Variants in SNRNP48 observed in about 807,000 individuals in gnomAD.
The protein encoded by SNRNP48 is small nuclear ribonucleoprotein U11/U12 subunit 48.
SNRNP48 carries 43 observed loss-of-function variants against 47.0 expected under a neutral mutation model. The observed-to-expected ratio is 0.92, with a 90% CI of 0.72 to 1.18. The LOEUF (loss-of-function observed/expected upper bound fraction) is 1.18, where lower values mean the gene tolerates loss of function less well. Ranked by LOEUF, SNRNP48 falls within the 50% of genes most tolerant of loss-of-function variation. SNRNP48 has a pLI of 0.00. For missense variants in SNRNP48, 396 were observed against 422.2 expected (o/e 0.94, Z 0.54); for synonymous variants, 138 against 144.0 (o/e 0.96, Z 0.30).
At chr6:7,592,401 T>C (rs1425784802) in intron 1 of SNRNP48, among the ~76,000 whole-genome samples, 1 of 149,618 alleles carries the variant, frequency 6.7e-6, no homozygotes, top group African/African-American at 2.5e-5. Context: ...ATGAAGGCAG[T>C]GGGGAGGTAT....
Position 7,601,352 on chromosome 6 carries a change from G to T in SNRNP48, c.423G>T (p.Leu141Phe), listed in dbSNP as rs1760015682. 6.4e-7 allele frequency: 1 copy of T among 1,572,202 alleles called. No homozygotes were observed. Residue 141 changes from leucine to phenylalanine, a missense_variant, in exon 5 of 9, where the codon TTG (leucine) becomes TTT (phenylalanine). Coordinates refer to ENST00000342415, the MANE Select transcript of SNRNP48 (RefSeq NM_152551.4). ...TTACTTTAGGAATTTATTCTTCATT[G>T]CCTGTTGAAGTTCCTTTGAATCACA... ...DCYNQRIYSSLPVEVPLNHKR... is the reference protein window; with the variant it reads ...DCYNQRIYSSFPVEVPLNHKR...
intron 1 of SNRNP48, among the ~76,000 whole-genome samples, chr6:7,591,176 T>C (rs1025760779): frequency 2.0e-5 from 3 of 152,224 alleles, no homozygotes; most frequent in African/African-American, 7.2e-5. Flanking sequence ...AGTTCGCCTT[T>C]CTGTGCCTTA....
At chr6:7,599,758 C>G (rs767850121) in intron 4 of SNRNP48, 1 of 1,271,720 alleles carries the variant, frequency 7.9e-7, no homozygotes, top group Non-Finnish European at 1.0e-6. Context: ...CAAATGATAT[C>G]CTTTTAAAAG....
At chr6:7,599,847 TTAAG>T in intron 4 of SNRNP48, 1 of 1,138,252 alleles carries the variant, frequency 8.8e-7, no homozygotes, top group East Asian at 6.1e-5. Flanking sequence ...TACAAGGAAT[TTAAG>T]TATCAGTCTT....
chr6:7,596,040 G>T (rs1759899065), intron 4 of SNRNP48, among the ~76,000 whole-genome samples: 1 of 152,190 alleles, frequency 6.6e-6, no homozygotes, highest in Non-Finnish European at 1.5e-5. Flanking sequence ...GAGGCAGGTG[G>T]ATCATCTGAG....
chr6:7,600,050 T>G (rs1425706157), intron 4 of SNRNP48: 1 of 997,494 alleles, frequency 1.0e-6, no homozygotes, highest in Middle Eastern at 5.1e-4. Flanking sequence ...ATTAGGCTTA[T>G]CAAAGCTGTT....
intron 6 of SNRNP48, among the ~76,000 whole-genome samples, chr6:7,604,160 T>A (rs1017459223): frequency 6.6e-6 from 1 of 152,220 alleles, no homozygotes; most frequent in African/African-American, 2.4e-5. Context: ...TTCAAGGCGC[T>A]TACATAGAGC....
Position 7,590,365 on chromosome 6 carries a change from G to A in SNRNP48, c.108G>A (p.Leu36=). ...CGTTGGAGGAGGTGACCGCGTCCCT[G>A]GGCTGGGACCTAGATAGTCTGGATC... ...CRTLEEVTAS[L]GWDLDSLDPG... The change falls in exon 1 of 9, where the codon CTG becomes CTA. Residue 36 remains leucine (L), a synonymous_variant. Transcript: ENST00000342415. 7.2e-7 allele frequency: 1 copy of A among 1,379,344 alleles called. No homozygotes were observed. Among genetic ancestry groups the A allele is most frequent in the Non-Finnish European group, 9.5e-7 (1 of 1,053,392 alleles). 85.4% of individuals were successfully genotyped at this position (1,379,344 alleles called of 1,614,324 possible).
intron 4 of SNRNP48, chr6:7,600,071 T>C (rs1167905153): frequency 2.0e-6 from 2 of 998,214 alleles, no homozygotes; most frequent in East Asian, 1.1e-4. Context: ...TTTATAATTT[T>C]GTATTATGAA....
chr6:7,591,980 C>T (rs1759826985), intron 1 of SNRNP48, among the ~76,000 whole-genome samples: 1 of 152,106 alleles, frequency 6.6e-6, no homozygotes, highest in Non-Finnish European at 1.5e-5. Flanking sequence ...GTTCCTAGTC[C>T]TCACAGAGCT....
intron 1 of SNRNP48, 73 bp downstream of exon 1, chr6:7,590,486 C>G: frequency 8.1e-7 from 1 of 1,242,222 alleles, no homozygotes; most frequent in Non-Finnish European, 1.0e-6. Flanking sequence ...GGGAGATCCG[C>G]ACTGGCAGCC....
intron 4 of SNRNP48, among the ~76,000 whole-genome samples, chr6:7,598,540 G>A (rs1335187734): frequency 6.6e-6 from 1 of 152,060 alleles, no homozygotes; most frequent in Non-Finnish European, 1.5e-5. Context: ...GTAGAGTTAT[G>A]CAATTTCTCA....
chr6:7,605,610 CT>C, intron 7 of SNRNP48, 124 bp downstream of exon 7: 1 of 909,102 alleles, frequency 1.1e-6, no homozygotes, highest in Non-Finnish European at 1.7e-6. Flanking sequence ...CGTGAAAATG[CT>C]TTTTGTTTTT....
intron 8 of SNRNP48, 101 bp downstream of exon 8, chr6:7,606,296 A>C (rs1461133530): frequency 5.7e-6 from 7 of 1,226,524 alleles, no homozygotes; most frequent in Non-Finnish European, 4.4e-6. Flanking sequence ...GATTTTAAGA[A>C]TAAGCTAAAG....
At chr6:7,594,077 C>T (rs1444519844) in intron 2 of SNRNP48, 22 bp from the exon 3 acceptor site, 1 of 1,333,954 alleles carries the variant, frequency 7.5e-7, no homozygotes. Context: ...TACTTAAGAA[C>T]AGTAAGATTC....
intron 1 of SNRNP48, among the ~76,000 whole-genome samples, chr6:7,592,179 C>T (rs1759829836): frequency 2.0e-5 from 3 of 152,142 alleles, no homozygotes; most frequent in African/African-American, 4.8e-5. Flanking sequence ...GTTGAATTGG[C>T]TAGGGGGTTG....
intron 4 of SNRNP48, among the ~76,000 whole-genome samples, chr6:7,595,912 G>T (rs1326029205): frequency 1.3e-5 from 2 of 152,196 alleles, no homozygotes; most frequent in Non-Finnish European, 2.9e-5. Flanking sequence ...GCAGAGAGTA[G>T]GTTAGAAGTT....
chr6:7,608,233 T>A (rs1204590958), intron 8 of SNRNP48, among the ~76,000 whole-genome samples: 2 of 152,026 alleles, frequency 1.3e-5, no homozygotes, highest in Non-Finnish European at 2.9e-5. Flanking sequence ...TTTTTTTTTT[T>A]AAGAGTATGT....
rs929460853 is a variant in SNRNP48, at chr6:7,610,287, G to C, written c.*1414G>C. On this transcript the variant is annotated 3_prime_UTR_variant, in exon 9 of 9. Transcript: ENST00000342415. ...AGATTGGATTTGGATCAGATTGGCT[G>C]TTAGGCTTCAGGTATGGGAAACAGC... The C allele has an allele frequency of 3.3e-5, 5 of 152,202 alleles. No individual in the cohort carries two copies. The highest frequency in any genetic ancestry group is 9.6e-5 in the African/African-American group (4 of 41,454). 9.4% of individuals were successfully genotyped at this position (152,202 alleles called of 1,614,324 possible).
Sources: gnomAD v4.1 joint callset for allele counts (sites outside exome capture counted in the v4.1 genomes callset) on GRCh38, gnomAD v4.1.1 for gene constraint, MANE v1.5 for transcripts, NCBI Gene and HGNC (gene_info 2026-07-23, HGNC 2026-07-21) for gene names.